AP3B1: variants seen among roughly 807,000 people sequenced by gnomAD.
AP3B1 encodes the protein AP-3 complex subunit beta-1.
In AP3B1, 61 loss-of-function variants were observed where a neutral mutation model predicts 132.5. That is an observed-to-expected ratio of 0.46 (90% CI 0.37 to 0.57). AP3B1 has a LOEUF of 0.57. AP3B1 is among the 20% of genes least tolerant of loss of function. AP3B1 has a pLI of 0.00. For missense variants in AP3B1, 1,120 were observed against 1,289.4 expected, an observed-to-expected ratio of 0.87 and a Z score of 2.01; for synonymous variants, 388 against 438.3, an observed-to-expected ratio of 0.89 and a Z score of 1.43.
At chr5:78,017,228 A>T (rs573492917) in intron 25 of AP3B1, among the ~76,000 whole-genome samples, 2 of 152,236 alleles carry the variant, frequency 1.3e-5, no homozygotes, top group East Asian at 3.9e-4. Context: ...AGAACAGAAG[A>T]TTCATTATCG....
intron 16 of AP3B1, among the ~76,000 whole-genome samples, chr5:78,128,626 A>G (rs13157028): frequency 7.2e-5 from 11 of 152,134 alleles, no homozygotes; most frequent in African/African-American, 2.4e-4. Context: ...TAAGGTGGTA[A>G]AATACTTAAT....
chr5:78,202,952 A>T (rs1415587649), intron 7 of AP3B1, among the ~76,000 whole-genome samples: 2 of 152,220 alleles, frequency 1.3e-5, no homozygotes, highest in Non-Finnish European at 2.9e-5. Flanking sequence ...ATACCAATAC[A>T]GGCATGTACC....
At chr5:78,085,232 C>A (rs926489655) in intron 22 of AP3B1, among the ~76,000 whole-genome samples, 2 of 152,200 alleles carry the variant, frequency 1.3e-5, no homozygotes, top group Admixed American at 6.5e-5. Context: ...TCAGCAACAA[C>A]AGATGTTGGT....
intron 1 of AP3B1, among the ~76,000 whole-genome samples, chr5:78,271,098 T>A (rs1162189207): frequency 6.6e-6 from 1 of 152,196 alleles, no homozygotes. Flanking sequence ...AAAAACTCCA[T>A]TGCTAGTGTC....
intron 2 of AP3B1, 36 bp from the exon 3 acceptor site, chr5:78,240,972 C>T (rs1309020147): frequency 1.4e-6 from 2 of 1,392,226 alleles, no homozygotes; most frequent in East Asian, 4.6e-5. Context: ...ATGGGAAATT[C>T]TATATATATT....
chr5:78,229,720 C>A (rs1746561926), intron 3 of AP3B1, among the ~76,000 whole-genome samples: 1 of 151,498 alleles, frequency 6.6e-6, no homozygotes, highest in South Asian at 2.1e-4. Flanking sequence ...GCCTGGGCAA[C>A]TGGAAAGAGA....
intron 24 of AP3B1, among the ~76,000 whole-genome samples, chr5:78,029,425 T>C (rs1747478929): frequency 6.6e-6 from 1 of 152,004 alleles, no homozygotes. Flanking sequence ...ACACTTCATC[T>C]ATCTAATCTC....
At chr5:78,193,742 TTTTA>T (rs373309906) in intron 7 of AP3B1, among the ~76,000 whole-genome samples, 7,026 of 90,778 alleles carry the variant, frequency 0.077, 321 homozygotes, top group Middle Eastern at 0.19. Flanking sequence ...GTATATATTT[TTTTA>T]TATATATATA....
chr5:78,057,099 T>C lies in AP3B1; in HGVS notation c.2578-17825A>G, dbSNP rs371622982. Among the ~76,000 whole-genome samples the C allele has an allele frequency of 2.0e-5, 3 of 152,200 alleles. No individual in the cohort carries two copies. In the East Asian group the frequency reaches 5.8e-4, roughly 29 times the overall value. ...TTGTTTGTTTTCCTTAGGAGTTTAC[T>C]GAAAAAGACACCATGCCAACAGGAA... On this transcript the variant is annotated intron_variant, in intron 22 of 26. Transcript: ENST00000255194.
At chr5:78,188,653 G>A (rs1744702409) in intron 7 of AP3B1, among the ~76,000 whole-genome samples, 1 of 152,172 alleles carries the variant, frequency 6.6e-6, no homozygotes. Context: ...TACAATCATT[G>A]TTGAAGACAA....
At position 78,228,240 on chromosome 5, in the gene AP3B1, C is replaced by A; in HGVS notation, c.280-1G>T. Reference sequence around the variant, plus strand: ...GGTAAACATATACCAACTTCTTGATCTGTTAAAAAAAAATCATTTATTCAT... The same window carrying A: ...GGTAAACATATACCAACTTCTTGATATGTTAAAAAAAAATCATTTATTCAT... On this transcript the variant is annotated splice_acceptor_variant, in intron 3 of 26. Coordinates refer to ENST00000255194, the MANE Select transcript of AP3B1 (RefSeq NM_003664.5). LOFTEE classifies it high-confidence loss of function. 6.3e-7 allele frequency: 1 copy of A among 1,587,444 alleles called. No homozygotes were observed. Among genetic ancestry groups the A allele is most frequent in the Non-Finnish European group, 8.6e-7 (1 of 1,167,484 alleles).
chr5:78,277,360 G>A (rs1264191712), intron 1 of AP3B1, among the ~76,000 whole-genome samples: 1 of 152,140 alleles, frequency 6.6e-6, no homozygotes, highest in Non-Finnish European at 1.5e-5. Flanking sequence ...AGGAATTGGT[G>A]GGAGGGAGTT....
intron 17 of AP3B1, among the ~76,000 whole-genome samples, chr5:78,126,504 CAAAAAAAAAAAAAAAA>C (rs70997969): frequency 3.2e-5 from 2 of 62,398 alleles, no homozygotes; most frequent in Non-Finnish European, 5.7e-5. Context: ...GACTCTGTCT[CAAAAAAAAAAAAAAAA>C]AAAAAAAAAA....
intron 22 of AP3B1, among the ~76,000 whole-genome samples, chr5:78,051,173 C>T (rs1748566489): frequency 1.3e-5 from 2 of 152,176 alleles, no homozygotes; most frequent in Admixed American, 1.3e-4. Context: ...GTGCACATAA[C>T]TGTCTACTTA....
chr5:78,110,675 A>G (rs1478640362), intron 19 of AP3B1, among the ~76,000 whole-genome samples: 1 of 147,446 alleles, frequency 6.8e-6, no homozygotes, highest in African/African-American at 2.6e-5. Flanking sequence ...CTATCTCAAA[A>G]TACTGTGCCT....
chr5:78,044,108 C>A, intron 22 of AP3B1: 1 of 314,100 alleles, frequency 3.2e-6, no homozygotes, highest in Non-Finnish European at 6.2e-6. Flanking sequence ...TTTCCAGCTC[C>A]TCCGCTCCAC....
intron 2 of AP3B1, among the ~76,000 whole-genome samples, chr5:78,249,566 T>C (rs970702457): frequency 2.0e-5 from 3 of 150,644 alleles, no homozygotes; most frequent in Non-Finnish European, 1.5e-5. Context: ...TTCAGAATGA[T>C]TTTTTTCTTT....
chr5:78,179,563 C>A (rs1222728538), intron 8 of AP3B1, among the ~76,000 whole-genome samples: 2 of 152,134 alleles, frequency 1.3e-5, no homozygotes, highest in Admixed American at 6.5e-5. Flanking sequence ...ACCTTATAGA[C>A]CTTCTACAGT....
intron 20 of AP3B1, among the ~76,000 whole-genome samples, chr5:78,108,257 CCCA>C: frequency 6.6e-6 from 1 of 152,298 alleles, no homozygotes. Context: ...AAGTAAAGTA[CCCA>C]CCATCTGCCT....
Sources: gnomAD v4.1 joint callset for allele counts (sites outside exome capture counted in the v4.1 genomes callset) on GRCh38, gnomAD v4.1.1 for gene constraint, MANE v1.5 for transcripts, NCBI Gene and HGNC (gene_info 2026-07-23, HGNC 2026-07-21) for gene names.